CRYM: variants seen among roughly 807,000 people sequenced by gnomAD.
CRYM encodes crystallin mu.
CRYM carries 18 observed loss-of-function variants against 32.9 expected under a neutral mutation model. That is an observed-to-expected ratio of 0.55 (90% CI 0.38 to 0.81). The LOEUF (loss-of-function observed/expected upper bound fraction) is 0.81. Ranked by LOEUF, CRYM falls within the 30% of genes least tolerant of loss-of-function variation. The pLI, the probability that CRYM is intolerant of heterozygous loss-of-function variation, is 0.00. For synonymous variants in CRYM, 153 were observed against 152.4 expected (o/e 1.00, Z -0.03); for missense variants, 337 against 393.5 (o/e 0.86, Z 1.21).
At chr16:21,291,012 C>T (rs914282969) in intron 1 of CRYM, among the ~76,000 whole-genome samples, 2 of 152,118 alleles carry the variant, frequency 1.3e-5, no homozygotes, top group Non-Finnish European at 2.9e-5. Flanking sequence ...AACTATGTTT[C>T]AAGAAATCAG....
chr16:21,260,222 C>T (rs947487339), intron 7 of CRYM, among the ~76,000 whole-genome samples: 1 of 152,126 alleles, frequency 6.6e-6, no homozygotes, highest in Non-Finnish European at 1.5e-5. Flanking sequence ...AGGGCACTCT[C>T]GAGGGGCTCA....
chr16:21,261,857 C>G (rs1159175008), intron 6 of CRYM, 180 bp downstream of exon 6: 12 of 656,788 alleles, frequency 1.8e-5, no homozygotes, highest in Non-Finnish European at 2.6e-5. Context: ...CCATAATGCC[C>G]ATATTTTTCT....
At chr16:21,300,528 A>C (rs964976980) in intron 1 of CRYM, 16 of 149,128 alleles carry the variant, frequency 1.1e-4, no homozygotes, top group African/African-American at 3.7e-4. Flanking sequence ...AAAAAAAAAA[A>C]CAGAAAAAGA....
At chr16:21,289,455 G>A (rs1960560915) in intron 1 of CRYM, among the ~76,000 whole-genome samples, 1 of 151,962 alleles carries the variant, frequency 6.6e-6, no homozygotes, top group Non-Finnish European at 1.5e-5. Flanking sequence ...TTTTATTTGT[G>A]CCTTTAAATT....
intron 3 of CRYM, 35 bp from the exon 4 acceptor site, chr16:21,269,926 G>C: frequency 6.7e-7 from 1 of 1,483,936 alleles, no homozygotes; most frequent in Non-Finnish European, 9.4e-7. Flanking sequence ...AAGGTCAAGG[G>C]AGACCCTAGC....
chr16:21,261,407 G>A, intron 6 of CRYM, 69 bp from the exon 7 acceptor site: 3 of 1,095,576 alleles, frequency 2.7e-6, no homozygotes, highest in Non-Finnish European at 4.2e-6. Context: ...TTTGAAGCCA[G>A]CCCAGGGAAT....
At chr16:21,280,801 C>T (rs2093396712), upstream of CRYM, among the ~76,000 whole-genome samples, 1 of 152,146 alleles carries the variant, frequency 6.6e-6, no homozygotes, top group East Asian at 1.9e-4. Context: ...CCCAGCCCTG[C>T]TCAGAGAAGA....
chr16:21,276,701 T>C (rs773497198), intron 2 of CRYM, among the ~76,000 whole-genome samples: 2 of 152,230 alleles, frequency 1.3e-5, no homozygotes, highest in Non-Finnish European at 2.9e-5. Context: ...GCCCAATATG[T>C]AGCAGTTAAA....
chr16:21,300,523 A>C (rs890423544), intron 1 of CRYM: 3 of 151,884 alleles, frequency 2.0e-5, no homozygotes, highest in African/African-American at 4.8e-5. Flanking sequence ...AAAAAAAAAA[A>C]AAAAACAGAA....
intron 7 of CRYM, 118 bp downstream of exon 7, chr16:21,261,136 G>A (rs1445776519): frequency 1.2e-6 from 1 of 819,190 alleles, no homozygotes; most frequent in African/African-American, 1.7e-5. Context: ...TAATTGACCT[G>A]AATGATGGAG....
chr16:21,290,587 T>C (rs559268707), intron 1 of CRYM, among the ~76,000 whole-genome samples: 11 of 152,354 alleles, frequency 7.2e-5, no homozygotes, highest in African/African-American at 2.4e-4. Flanking sequence ...CTTACAAATA[T>C]GCTTTTTGCT....
chr16:21,270,090 C>T (rs771774476), intron 3 of CRYM, among the ~76,000 whole-genome samples, 199 bp from the exon 4 acceptor site: 1 of 152,100 alleles, frequency 6.6e-6, no homozygotes, highest in African/African-American at 2.4e-5. Context: ...CTTCACTGAA[C>T]AGCTAATGTA....
In CRYM at chr16:21,269,902, G is replaced by T. The variant is rs2093371720; in HGVS notation, c.388-11C>A. 1 of 1,598,022 alleles carries T rather than the reference G, an allele frequency of 6.3e-7. No homozygotes were observed. The highest frequency in any genetic ancestry group is 8.6e-7 in the Non-Finnish European group (1 of 1,165,582). On this transcript the variant is annotated splice_polypyrimidine_tract_variant and intron_variant, in intron 3 of 7. Transcript: ENST00000572914. ...GGGAGGTTTCAGAAACTATATGAGA[G>T]AAATGAAGTGGCAAAGGTCAAGGGA...
At chr16:21,290,513 T>C in intron 1 of CRYM, among the ~76,000 whole-genome samples, 1 of 152,180 alleles carries the variant, frequency 6.6e-6, no homozygotes. Flanking sequence ...GTCCGTGGCT[T>C]CTTTCTTGAA....
At chr16:21,294,757 C>T (rs1328546061) in intron 1 of CRYM, among the ~76,000 whole-genome samples, 6 of 149,552 alleles carry the variant, frequency 4.0e-5, no homozygotes, top group East Asian at 2.0e-4. Context: ...TACAGTGGCG[C>T]GATCTCGACT....
chr16:21,297,939 T>C (rs187995286), intron 1 of CRYM, among the ~76,000 whole-genome samples: 2 of 152,386 alleles, frequency 1.3e-5, no homozygotes, highest in East Asian at 3.9e-4. Context: ...ATGATCTTTA[T>C]GTTCTCATGC....
At position 21,278,133 on chromosome 16, in the gene CRYM, C is replaced by T. The variant is rs748604025; in HGVS notation, c.119G>A (p.Gly40Glu). 3 of 1,550,228 alleles carry T rather than the reference C, an allele frequency of 1.9e-6. No individual in the cohort carries two copies. The highest frequency in any genetic ancestry group is 2.6e-6 in the Non-Finnish European group (3 of 1,147,298). ...ALANFSSGPE[G>E]GVMQPVRTVV... ...GGTGCGCACGGGCTGCATGACCCCTCCTTCGGGACCGCTGGAGAAGTTGGC... is the reference window on the plus strand; with the variant it reads ...GGTGCGCACGGGCTGCATGACCCCTTCTTCGGGACCGCTGGAGAAGTTGGC... The change falls in exon 1 of 8, where the codon GGA becomes GAA. Residue 40 changes from glycine (G) to glutamate (E), a missense_variant. Transcript: ENST00000572914.
At chr16:21,289,822 G>A (rs547616100) in intron 1 of CRYM, among the ~76,000 whole-genome samples, 6 of 151,800 alleles carry the variant, frequency 4.0e-5, no homozygotes, top group South Asian at 4.2e-4. Context: ...ACAGAGTGCC[G>A]ATTGGTCCAT....
intron 1 of CRYM, among the ~76,000 whole-genome samples, chr16:21,295,297 T>C (rs1313371633): frequency 6.6e-6 from 1 of 152,208 alleles, no homozygotes; most frequent in Non-Finnish European, 1.5e-5. Context: ...AGCGTAAAAG[T>C]GTTTTTTCCT....
Sources: gnomAD v4.1 joint callset for allele counts (sites outside exome capture counted in the v4.1 genomes callset) on GRCh38, gnomAD v4.1.1 for gene constraint, MANE v1.5 for transcripts, NCBI Gene and HGNC (gene_info 2026-07-23, HGNC 2026-07-21) for gene names.